The following GLCCI1 variants were observed in gnomAD, a reference collection of about 807,000 sequenced individuals.
The protein encoded by GLCCI1 is glucocorticoid induced 1, also known as glucocorticoid-induced transcript 1 protein.
A neutral mutation model predicts 52.2 loss-of-function variants in GLCCI1; 24 were observed. The ratio of observed to expected loss-of-function variants is 0.46; its 90% CI spans 0.33 to 0.65. The LOEUF is 0.65. Among genes scored for constraint, GLCCI1 ranks in the 30% least tolerant of loss-of-function variants. GLCCI1 has a pLI of 0.02. For synonymous variants in GLCCI1, 310 were observed against 276.5 expected (o/e 1.12, Z -1.20); for missense variants, 704 against 701.5 (o/e 1.00, Z -0.04).
intron 1 of GLCCI1, among the ~76,000 whole-genome samples, chr7:7,977,443 C>G (rs1430605602): frequency 6.6e-6 from 1 of 152,164 alleles, no homozygotes; most frequent in East Asian, 1.9e-4. Context: ...GCTGTTTTCT[C>G]TAGAACTAAT....
chr7:8,048,788 A>G (rs1371841411), intron 3 of GLCCI1, among the ~76,000 whole-genome samples: 1 of 152,142 alleles, frequency 6.6e-6, no homozygotes, highest in East Asian at 1.9e-4. Context: ...ATTTATGTCA[A>G]TTCTCCTGGA....
intron 3 of GLCCI1, among the ~76,000 whole-genome samples, chr7:8,033,354 A>G (rs1365552922): frequency 1.3e-5 from 2 of 152,174 alleles, no homozygotes; most frequent in Admixed American, 6.5e-5. Flanking sequence ...AAGGATGTCC[A>G]CTGTCATCTT....
intron 1 of GLCCI1, among the ~76,000 whole-genome samples, chr7:7,971,674 G>C (rs771232874): frequency 6.6e-6 from 1 of 152,124 alleles, no homozygotes; most frequent in Non-Finnish European, 1.5e-5. Context: ...CCTTCAAAAG[G>C]CTTAATGGCC....
chr7:8,021,000 C>T (rs1002138792), intron 2 of GLCCI1, among the ~76,000 whole-genome samples: 2 of 152,074 alleles, frequency 1.3e-5, no homozygotes, highest in African/African-American at 4.8e-5. Context: ...TATCCGTGGT[C>T]TTGCTGATTG....
intron 1 of GLCCI1, among the ~76,000 whole-genome samples, chr7:7,970,828 T>A (rs1406536563): frequency 1.3e-5 from 2 of 152,188 alleles, no homozygotes; most frequent in African/African-American, 4.8e-5. Context: ...GAGCTACAGA[T>A]GCTGCTGCTG....
chr7:8,086,627 AC>A lies in GLCCI1; in HGVS notation c.*91del. 2.1e-6 allele frequency: 2 copies of A among 951,606 alleles called. No homozygotes were observed. The highest frequency in any genetic ancestry group is 3.2e-6 in the Non-Finnish European group (2 of 626,152). The allele number at this position is 951,606 out of a possible 1,614,324, so 58.9% of individuals were successfully genotyped here. A position where few individuals can be genotyped will look rare whatever the true frequency, so the allele number is the denominator to read the frequency against. ...ATGAGTGACAAACTTTCTGAACACC[AC>A]CACCACCAATAATACTTATCAGCAT... On this transcript the variant is annotated 3_prime_UTR_variant, in exon 8 of 8. Coordinates refer to ENST00000223145, the MANE Select transcript of GLCCI1 (RefSeq NM_138426.4). This position sits in a 1 kb window ranked among gnomAD's most constrained non-coding sequence, Gnocchi z 4.4.
At chr7:8,029,024 A>C (rs1321170710) in intron 3 of GLCCI1, among the ~76,000 whole-genome samples, 1 of 152,176 alleles carries the variant, frequency 6.6e-6, no homozygotes, top group African/African-American at 2.4e-5. Context: ...CCAAACATTT[A>C]AAGAACACCT....
intron 1 of GLCCI1, among the ~76,000 whole-genome samples, chr7:7,974,883 G>C (rs950653235): frequency 1.3e-5 from 2 of 152,266 alleles, no homozygotes; most frequent in East Asian, 1.9e-4. Flanking sequence ...TTTGTCTTCA[G>C]TATATAATTT....
At position 7,968,825 on chromosome 7, in the gene GLCCI1, A is replaced by AAGCGGCGGC; in HGVS notation, c.-525_-517dup. On this transcript the variant is annotated 5_prime_UTR_variant, in exon 1 of 8. Coordinates refer to ENST00000223145, the MANE Select transcript of GLCCI1 (RefSeq NM_138426.4). ...GCCATTCGGAGTGAGGAGTGGGTAG[A>AAGCGGCGGC]AGCGGCGGCGGCGGCGGCGGCGTTT... The AAGCGGCGGC allele has an allele frequency of 6.3e-6, 1 of 159,524 alleles. No homozygotes were observed. 9.9% of individuals were successfully genotyped at this position (159,524 alleles called of 1,614,324 possible). A position where few individuals can be genotyped will look rare whatever the true frequency, so the allele number is the denominator to read the frequency against.
intron 3 of GLCCI1, among the ~76,000 whole-genome samples, chr7:8,040,244 G>C (rs1255565574): frequency 6.6e-6 from 1 of 152,090 alleles, no homozygotes; most frequent in Non-Finnish European, 1.5e-5. Context: ...CCAGCACTTA[G>C]GGAGGCTGAG....
chr7:7,985,539 G>A (rs368356636), intron 1 of GLCCI1, among the ~76,000 whole-genome samples: 5 of 151,240 alleles, frequency 3.3e-5, no homozygotes, highest in African/African-American at 7.3e-5. Flanking sequence ...GGAACTTTAA[G>A]TTAAAAAAAA....
At chr7:8,002,706 G>A (rs1407105831) in intron 1 of GLCCI1, among the ~76,000 whole-genome samples, 1 of 152,196 alleles carries the variant, frequency 6.6e-6, no homozygotes, top group African/African-American at 2.4e-5. Context: ...TGTGAGATAT[G>A]ACTCTGAAAA....
At chr7:8,021,942 T>C (rs962891788) in intron 2 of GLCCI1, among the ~76,000 whole-genome samples, 3 of 152,236 alleles carry the variant, frequency 2.0e-5, no homozygotes, top group Non-Finnish European at 2.9e-5. Context: ...TTTAATCTTT[T>C]TCACTTTTAT....
chr7:8,081,294 A>C (rs764303354), intron 6 of GLCCI1, among the ~76,000 whole-genome samples: 3 of 152,204 alleles, frequency 2.0e-5, no homozygotes, highest in Non-Finnish European at 4.4e-5. Flanking sequence ...AAAACATCTG[A>C]TAAGTCTAAT....
At chr7:8,004,676 A>G (rs1279901612) in intron 2 of GLCCI1, among the ~76,000 whole-genome samples, 2 of 152,238 alleles carry the variant, frequency 1.3e-5, no homozygotes, top group African/African-American at 4.8e-5. Flanking sequence ...ATAAAGAAGA[A>G]TACTAAAAAT....
intron 6 of GLCCI1, among the ~76,000 whole-genome samples, chr7:8,071,755 C>A (rs975858827): frequency 6.6e-6 from 1 of 152,148 alleles, no homozygotes; most frequent in Admixed American, 6.5e-5. Flanking sequence ...TTCTAGCCCC[C>A]TAAGACCTAG....
intron 1 of GLCCI1, chr7:7,980,881 A>G (rs1780599632): frequency 1.6e-6 from 1 of 643,004 alleles, no homozygotes; most frequent in Non-Finnish European, 2.9e-6. Context: ...GTGATTTTAG[A>G]TGGTCCATTT....
chr7:8,071,605 T>A (rs1782763996), intron 6 of GLCCI1, among the ~76,000 whole-genome samples: 1 of 152,230 alleles, frequency 6.6e-6, no homozygotes, highest in African/African-American at 2.4e-5. Context: ...ACATCAGGGA[T>A]TTTATTACAG....
chr7:8,056,686 A>G (rs1329012156), intron 4 of GLCCI1, among the ~76,000 whole-genome samples: 1 of 152,212 alleles, frequency 6.6e-6, no homozygotes, highest in African/African-American at 2.4e-5. Flanking sequence ...AGAAAACCAA[A>G]GTAGAAAAGA....
Sources: allele counts gnomAD v4.1 joint callset (sites outside exome capture counted in the v4.1 genomes callset), GRCh38; gene constraint gnomAD v4.1.1; non-coding constraint Gnocchi (gnomAD v3.1); transcripts MANE v1.5; gene names NCBI Gene and HGNC (gene_info 2026-07-23, HGNC 2026-07-21).